WDR3: variants seen among roughly 807,000 people sequenced by gnomAD.
The protein encoded by WDR3 is WD repeat domain 3.
A neutral mutation model predicts 123.7 loss-of-function variants in WDR3; 81 were observed. That is an observed-to-expected ratio of 0.65 (90% CI 0.55 to 0.79). The LOEUF (loss-of-function observed/expected upper bound fraction) is 0.79, where lower values mean the gene tolerates loss of function less well. Among genes scored for constraint, WDR3 ranks in the 30% least tolerant of loss-of-function variants. WDR3 has a pLI of 0.00. For synonymous variants in WDR3, 390 were observed against 388.8 expected (o/e 1.00, Z -0.04); for missense variants, 1,027 against 1,123.2 (o/e 0.91, Z 1.22).
intron 16 of WDR3, 120 bp downstream of exon 16, chr1:117,951,010 T>A (rs1319765212): frequency 6.9e-6 from 5 of 724,098 alleles, no homozygotes; most frequent in Admixed American, 2.9e-5. Flanking sequence ...CTGTTATATA[T>A]CTTTCTCCAA....
chr1:117,954,337 G>A (rs1651846359), intron 22 of WDR3, among the ~76,000 whole-genome samples: 1 of 152,066 alleles, frequency 6.6e-6, no homozygotes, highest in South Asian at 2.1e-4. Flanking sequence ...AGAAACCCAC[G>A]TTCTATGTTG....
At chr1:117,935,813 C>T (rs552555393) in intron 3 of WDR3, among the ~76,000 whole-genome samples, 2 of 151,924 alleles carry the variant, frequency 1.3e-5, no homozygotes, top group South Asian at 4.2e-4. Context: ...ATACTTGAAA[C>T]ATTTGTACAT....
chr1:117,949,859 C>T, intron 14 of WDR3, 23 bp downstream of exon 14: 1 of 1,612,526 alleles, frequency 6.2e-7, no homozygotes, highest in African/African-American at 1.3e-5. Context: ...TTTTTGTGTC[C>T]ATTTTTTGGA....
In WDR3 at chr1:117,954,065, A is replaced by G. The variant is rs200953728; in HGVS notation, c.2327A>G (p.Glu776Gly). 1.0e-4 allele frequency: 169 copies of G among 1,612,550 alleles called. 1 individual carries two copies. The highest frequency in any genetic ancestry group is 1.3e-4 in the Non-Finnish European group (148 of 1,178,970). The stretch of plus-strand genomic sequence containing the variant: ...CGAGAAGAAACTGCAAAAATGAAGG[A>G]ACACAAAGCCATTTGTAAAGCTGCA... ...LYREETAKMK[E>G]HKAICKAAGK... is the part of the protein sequence containing the mutation. The change falls in exon 22 of 27, where the codon GAA becomes GGA. Residue 776 changes from glutamate to glycine, a missense_variant. Coordinates refer to ENST00000349139, the MANE Select transcript of WDR3 (RefSeq NM_006784.3).
At chr1:117,938,188 G>A (rs145839560) in intron 4 of WDR3, among the ~76,000 whole-genome samples, 14 of 152,308 alleles carry the variant, frequency 9.2e-5, no homozygotes, top group Non-Finnish European at 1.8e-4. Flanking sequence ...GTGCTGTGAT[G>A]ATGGAAATGA....
At chr1:117,958,030 C>A (rs1652475122) in intron 25 of WDR3, among the ~76,000 whole-genome samples, 2 of 152,158 alleles carry the variant, frequency 1.3e-5, no homozygotes, top group African/African-American at 2.4e-5. Context: ...GCTTGATATT[C>A]TTCTCATCTC....
In WDR3 at chr1:117,952,015, G is replaced by C; in HGVS notation, c.1843G>C (p.Val615Leu). 2 of 1,613,486 alleles carry C rather than the reference G, an allele frequency of 1.2e-6. No individual in the cohort carries two copies. The highest frequency in any genetic ancestry group is 1.7e-6 in the Non-Finnish European group (2 of 1,179,474). Residue 615 changes from valine to leucine, a missense_variant, in exon 17 of 27, where the codon GTG becomes CTG. Physicochemically the swap from Val to Leu is conservative, Grantham distance 32. Transcript: ENST00000349139. ...LIATGSADRN[V>L]KIWGLDFGDC... is the part of the protein sequence containing the mutation. ...AGCAACTGGCTCCGCTGATAGGAAT[G>C]TGAAAATCTGGGGTTTGGACTTTGG...
chr1:117,952,654 AG>A lies in WDR3; in HGVS notation c.2146del (p.Glu716ArgfsTer39). The A allele has an allele frequency of 6.2e-7, 1 of 1,612,484 alleles. No homozygotes were observed. Among genetic ancestry groups the A allele is most frequent in the Non-Finnish European group, 8.5e-7 (1 of 1,179,270 alleles). On this transcript the variant is annotated frameshift_variant, in exon 19 of 27. Transcript: ENST00000349139. LOFTEE classifies it high-confidence loss of function. ...GGAGCCTCTTATTCTTGAGGAAGAA[AG>A]GGAGATGGTAAGAACTTTAGGCTTG... ...TREPLILEEE[R>X]EMEREAEYEE...
At chr1:117,955,502 A>G in intron 24 of WDR3, 144 bp downstream of exon 24, 1 of 746,510 alleles carries the variant, frequency 1.3e-6, no homozygotes, top group Non-Finnish European at 2.0e-6. Flanking sequence ...AAAATAATTT[A>G]TAATGTTCTT....
intron 9 of WDR3, among the ~76,000 whole-genome samples, chr1:117,942,130 C>T (rs545626854): frequency 4.1e-4 from 62 of 152,142 alleles, no homozygotes; most frequent in South Asian, 1.2e-3. Flanking sequence ...GAAAAATAAC[C>T]GGAGACATTT....
chr1:117,933,162 C>T, intron 1 of WDR3, 126 bp from the exon 2 acceptor site: 1 of 717,220 alleles, frequency 1.4e-6, no homozygotes, highest in Non-Finnish European at 2.2e-6. Flanking sequence ...CAGGATCCCA[C>T]CACTGCACTC....
intron 13 of WDR3, among the ~76,000 whole-genome samples, chr1:117,949,490 T>C (rs1175293661): frequency 6.6e-6 from 1 of 152,226 alleles, no homozygotes; most frequent in Non-Finnish European, 1.5e-5. Context: ...TTGTTTCTTC[T>C]TGATGCTAGA....
chr1:117,938,681 T>C (rs549826188), intron 5 of WDR3, 123 bp downstream of exon 5: 2 of 764,498 alleles, frequency 2.6e-6, no homozygotes, highest in South Asian at 4.0e-5. Flanking sequence ...ATATGCCATC[T>C]TGAGGGACAG....
At chr1:117,948,848 G>A (rs1199807620) in intron 13 of WDR3, among the ~76,000 whole-genome samples, 1 of 152,032 alleles carries the variant, frequency 6.6e-6, no homozygotes, top group Non-Finnish European at 1.5e-5. Context: ...AAACATCTAT[G>A]ACTGTATAAG....
chr1:117,941,298 A>G (rs1450775465), intron 8 of WDR3, 73 bp downstream of exon 8: 3 of 1,449,626 alleles, frequency 2.1e-6, no homozygotes, highest in East Asian at 2.3e-5. Flanking sequence ...TTCATATTCA[A>G]TGTAAAGATG....
At chr1:117,949,652 C>A in intron 13 of WDR3, 99 bp from the exon 14 acceptor site, 1 of 1,327,702 alleles carries the variant, frequency 7.5e-7, no homozygotes. Context: ...TATCCCATGA[C>A]GTTAAATAAA....
chr1:117,936,103 T>C (rs1650933667), intron 3 of WDR3, among the ~76,000 whole-genome samples: 1 of 152,056 alleles, frequency 6.6e-6, no homozygotes, highest in South Asian at 2.1e-4. Context: ...ATGATATTTG[T>C]AGTAGTTTTT....
rs1379744351 is a variant in WDR3 at position 117,963,315 on chromosome 1, TTATAA to T, written c.*3873_*3877del. Reference sequence around the variant, plus strand: ...TTCTACCTTGCATGAGCATTACATTTTATAATATATATAAAGAAGCAACTAGTATA... The same window carrying T: ...TTCTACCTTGCATGAGCATTACATTTTATATATAAAGAAGCAACTAGTATA... On this transcript the variant is annotated 3_prime_UTR_variant, in exon 27 of 27. Coordinates refer to ENST00000349139, the MANE Select transcript of WDR3 (RefSeq NM_006784.3). 1 of 152,308 alleles carries T rather than the reference TTATAA, an allele frequency of 6.6e-6. No individual in the cohort carries two copies. Among genetic ancestry groups the T allele is most frequent in the African/African-American group, 2.4e-5 (1 of 41,438 alleles). 9.4% of individuals were successfully genotyped at this position (152,308 alleles called of 1,614,324 possible).
chr1:117,939,097 A>G (rs918904091), intron 5 of WDR3, among the ~76,000 whole-genome samples: 1 of 152,258 alleles, frequency 6.6e-6, no homozygotes, highest in African/African-American at 2.4e-5. Context: ...CTTGAAGCTG[A>G]AAGTTATGCA....
Sources: allele counts gnomAD v4.1 joint callset (sites outside exome capture counted in the v4.1 genomes callset), GRCh38; gene constraint gnomAD v4.1.1; transcripts MANE v1.5; gene names NCBI Gene and HGNC (gene_info 2026-07-23, HGNC 2026-07-21).